C4BPA: variants seen among roughly 807,000 people sequenced by gnomAD.
C4BPA encodes complement component 4 binding protein alpha.
In C4BPA, 31 loss-of-function variants were observed where a neutral mutation model predicts 63.7. The ratio of observed to expected loss-of-function variants is 0.49; its 90% confidence interval spans 0.37 to 0.66. The LOEUF is 0.66. Ranked by LOEUF, C4BPA falls within the 30% of genes least tolerant of loss-of-function variation. The pLI is 0.00. For missense variants in C4BPA, 572 were observed against 723.3 expected, an observed-to-expected ratio of 0.79 and a Z score of 2.40; for synonymous variants, 259 against 254.7, an observed-to-expected ratio of 1.02 and a Z score of -0.16.
At chr1:207,137,469 G>A (rs1685306163) in intron 9 of C4BPA, among the ~76,000 whole-genome samples, 1 of 152,204 alleles carries the variant, frequency 6.6e-6, no homozygotes, top group African/African-American at 2.4e-5. Flanking sequence ...TCAAAGTGGT[G>A]TCGGGGAAGG....
rs1286208398 is a variant in C4BPA at position 207,144,787 on chromosome 1, A to G, written c.*70A>G. On this transcript the variant is annotated 3_prime_UTR_variant, in exon 12 of 12. Coordinates refer to ENST00000367070, the MANE Select transcript of C4BPA (RefSeq NM_000715.4). Reference sequence around the variant, plus strand: ...CTTGCAATTCAATACAGATCAGTTTAGCAAATCTACTGTCAATTTGGCAGT... The same window carrying G: ...CTTGCAATTCAATACAGATCAGTTTGGCAAATCTACTGTCAATTTGGCAGT... The G allele has an allele frequency of 1.2e-5, 12 of 980,222 alleles. No individual in the cohort carries two copies. Among genetic ancestry groups the G allele is most frequent in the Non-Finnish European group, 1.6e-5 (11 of 697,274 alleles). The allele number at this position is 980,222 out of a possible 1,614,324, so 60.7% of individuals were successfully genotyped here.
chr1:207,115,170 G>A (rs1033398753), intron 3 of C4BPA, among the ~76,000 whole-genome samples: 1 of 152,136 alleles, frequency 6.6e-6, no homozygotes, highest in African/African-American at 2.4e-5. Context: ...TTAAGTCCTG[G>A]ACCACGTGTT....
At chr1:207,111,318 A>G (rs1017279010) in intron 1 of C4BPA, among the ~76,000 whole-genome samples, 13 of 152,232 alleles carry the variant, frequency 8.5e-5, no homozygotes, top group African/African-American at 2.9e-4. Context: ...CATTCAGTAC[A>G]AAGTCTGTGA....
intron 1 of C4BPA, 125 bp from the exon 2 acceptor site, chr1:207,112,873 GTTT>G (rs1214885361): frequency 1.2e-6 from 1 of 805,906 alleles, no homozygotes; most frequent in Non-Finnish European, 1.8e-6. Flanking sequence ...GTGCTCAGGG[GTTT>G]TTTTGTTTTG....
chr1:207,117,655 AC>A (rs1340058395), intron 4 of C4BPA, among the ~76,000 whole-genome samples: 2 of 152,126 alleles, frequency 1.3e-5, no homozygotes. Context: ...TACATAGGAA[AC>A]TTCACAGGAA....
chr1:207,109,991 C>A (rs1416383250), intron 1 of C4BPA, among the ~76,000 whole-genome samples: 1 of 152,218 alleles, frequency 6.6e-6, no homozygotes, highest in Admixed American at 6.5e-5. Context: ...TCACTAGGAG[C>A]TTTTGGATTT....
At chr1:207,113,424 T>C (rs1358915796) in intron 2 of C4BPA, among the ~76,000 whole-genome samples, 1 of 152,188 alleles carries the variant, frequency 6.6e-6, no homozygotes, top group Admixed American at 6.6e-5. Flanking sequence ...GATGATAATA[T>C]GGACAGATCT....
intron 4 of C4BPA, among the ~76,000 whole-genome samples, chr1:207,121,763 C>T (rs1407867987): frequency 2.6e-5 from 4 of 151,824 alleles, no homozygotes; most frequent in African/African-American, 9.7e-5. Context: ...TATCATTATT[C>T]CTCTTTATCT....
Position 207,141,159 on chromosome 1 carries a change from T to C in C4BPA, c.1327T>C (p.Tyr443His), listed in dbSNP as rs2102366222. The part of the protein sequence containing the change: ...AHGHYKQSSS[Y>H]SFFKEEIIYE... ...TGGGCATTATAAACAATCTAGTTCATACAGCTTTTTCAAAGAAGAGATTAT... is the reference window on the plus strand; with the variant it reads ...TGGGCATTATAAACAATCTAGTTCACACAGCTTTTTCAAAGAAGAGATTAT... The change falls in exon 10 of 12, where the codon TAC becomes CAC. Residue 443 changes from tyrosine to histidine, a missense_variant. Tyr to His is a moderately conservative substitution (Grantham distance 83). Around this residue, in one of 2 missense-constraint regions of C4BPA, gnomAD observed 465 missense variants for 629.4 expected, o/e 0.74. Transcript: ENST00000367070. 1 of 1,613,696 alleles carries C rather than the reference T, an allele frequency of 6.2e-7. No individual in the cohort carries two copies. Among genetic ancestry groups the C allele is most frequent in the East Asian group, 2.2e-5 (1 of 44,832 alleles).
intron 6 of C4BPA, 36 bp downstream of exon 6, chr1:207,124,402 T>G (rs1272875474): frequency 6.7e-7 from 1 of 1,496,366 alleles, no homozygotes; most frequent in Non-Finnish European, 9.2e-7. Flanking sequence ...TCAAAATGTT[T>G]GCTCTCTTTT....
chr1:207,121,057 C>G (rs952638541), intron 4 of C4BPA, among the ~76,000 whole-genome samples: 2 of 152,308 alleles, frequency 1.3e-5, no homozygotes, highest in African/African-American at 4.8e-5. Context: ...ATTCTCTTGC[C>G]CCGGTCTTCC....
rs1337159605 is a variant in C4BPA, at chr1:207,119,383, CT to C, written c.428+3870del. ...TACCGTCTTTTATGGGCCATACTAA[CT>C]TGGCATTATGTATGGAAGATAATTC... On this transcript the variant is annotated intron_variant, in intron 4 of 11. Coordinates refer to ENST00000367070, the MANE Select transcript of C4BPA (RefSeq NM_000715.4). Among the ~76,000 whole-genome samples the C allele has an allele frequency of 2.1e-5, 2 of 93,182 alleles. 1 individual carries two copies. The highest frequency in any genetic ancestry group is 2.3e-4 in the Admixed American group (2 of 8,554). The allele number at this position is 93,182 out of a possible 152,430, so 61.1% of individuals were successfully genotyped here. A position where few individuals can be genotyped will look rare whatever the true frequency, so the allele number is the denominator to read the frequency against.
In C4BPA at chr1:207,144,545, A is replaced by T; in HGVS notation, c.1622A>T (p.Glu541Val). ...ACACCCACCACTTATATCTTTTAGG[A>T]GACCCCCGAAGGCTGTGAACAAGTG... ...WYPEVPKCEW[E>V]TPEGCEQVLT... The change falls in exon 12 of 12, where the codon GAG becomes GTG. Residue 541 changes from glutamate (E) to valine (V), a missense_variant and splice_region_variant. By Grantham distance (121) the Glu-to-Val change is moderately radical. This residue lies in a region of C4BPA where 465 missense variants were observed against 629.4 expected (regional missense o/e 0.74). Coordinates refer to ENST00000367070, the MANE Select transcript of C4BPA (RefSeq NM_000715.4). 1 of 1,600,706 alleles carries T rather than the reference A, an allele frequency of 6.2e-7. No homozygotes were observed.
At position 207,108,967 on chromosome 1, in the gene C4BPA, C is replaced by A. The variant is rs138799682; in HGVS notation, c.-25-4034C>A. On this transcript the variant is annotated intron_variant, in intron 1 of 11. Coordinates refer to ENST00000367070, the MANE Select transcript of C4BPA (RefSeq NM_000715.4). ...TGAACTCCTGACCTCGTGATCTGCC[C>A]GCCTCAGCCTCCCAAAGTGCTGGGA... Among the ~76,000 whole-genome samples the A allele has an allele frequency of 5.9e-3, 899 of 152,072 alleles. 8 individuals carry two copies. Among genetic ancestry groups the A allele is most frequent in the African/African-American group, 0.021 (857 of 41,474 alleles).
chr1:207,131,488 C>G, intron 7 of C4BPA, 58 bp from the exon 8 acceptor site: 1 of 1,249,728 alleles, frequency 8.0e-7, no homozygotes, highest in Non-Finnish European at 1.1e-6. Flanking sequence ...TTATTGACTG[C>G]TGTGGCAGCC....
intron 2 of C4BPA, 109 bp downstream of exon 2, chr1:207,113,276 C>T: frequency 8.3e-7 from 1 of 1,209,530 alleles, no homozygotes; most frequent in African/African-American, 1.6e-5. Context: ...AGAGACCCAG[C>T]TTCATCAACA....
rs1684987613 is a variant in C4BPA at position 207,124,357 on chromosome 1, A to G, written c.697A>G (p.Thr233Ala). Residue 233 changes from threonine to alanine, a missense_variant, in exon 6 of 12, where the codon ACC (threonine) becomes GCC (alanine). By Grantham distance (58) the Thr-to-Ala change is moderately conservative. Around this residue, in one of 2 missense-constraint regions of C4BPA, gnomAD observed 465 missense variants for 629.4 expected, o/e 0.74. Coordinates refer to ENST00000367070, the MANE Select transcript of C4BPA (RefSeq NM_000715.4). ...TIGVWRPSPP[T>A]CEKITCRKPD... ...AGGTGTTTGGAGACCAAGCCCTCCT[A>G]CCTGTGAAAGTAAGTCATAATGATG... 1.9e-6 allele frequency: 3 copies of G among 1,608,730 alleles called. No homozygotes were observed. Among genetic ancestry groups the G allele is most frequent in the East Asian group, 4.5e-5 (2 of 44,818 alleles).
intron 6 of C4BPA, among the ~76,000 whole-genome samples, chr1:207,125,469 C>A (rs1035105938): frequency 6.6e-6 from 1 of 152,102 alleles, no homozygotes; most frequent in Non-Finnish European, 1.5e-5. Context: ...CCAATGTGAT[C>A]GTTTTAACAG....
chr1:207,116,142 A>T (rs561146471), intron 4 of C4BPA, among the ~76,000 whole-genome samples: 1 of 152,208 alleles, frequency 6.6e-6, no homozygotes, highest in Admixed American at 6.5e-5. Flanking sequence ...TTTGCAGAGT[A>T]TGTAAATGTC....
Sources: allele counts gnomAD v4.1 joint callset (sites outside exome capture counted in the v4.1 genomes callset), GRCh38; gene constraint gnomAD v4.1.1; regional missense constraint gnomAD v4.1.1; transcripts MANE v1.5; gene names NCBI Gene and HGNC (gene_info 2026-07-23, HGNC 2026-07-21).